Variants in HYAL4 observed in about 807,000 individuals in gnomAD.
The protein encoded by HYAL4 is hyaluronidase 4, also known as hyaluronidase-4.
HYAL4 carries 37 observed loss-of-function variants against 35.2 expected under a neutral mutation model. The ratio of observed to expected loss-of-function variants is 1.05; its 90% CI spans 0.81 to 1.38. The LOEUF (loss-of-function observed/expected upper bound fraction) is 1.38. HYAL4 is among the 40% of genes most tolerant of loss of function. The pLI, the probability that HYAL4 is intolerant of heterozygous loss-of-function variation, is 0.00. For synonymous variants in HYAL4, 198 were observed against 203.2 expected, an observed-to-expected ratio of 0.97 and a Z score of 0.22; for missense variants, 572 against 572.4, an observed-to-expected ratio of 1.00 and a Z score of 0.01.
chr7:123,826,781 C>T (rs750557990), upstream of HYAL4, among the ~76,000 whole-genome samples: 32 of 151,962 alleles, frequency 2.1e-4, no homozygotes, highest in African/African-American at 7.3e-5. Flanking sequence ...ATCATCCAGG[C>T]GAGAGCTAGT....
intron 2 of HYAL4, among the ~76,000 whole-genome samples, chr7:123,866,381 A>G (rs905004853): frequency 6.6e-6 from 1 of 152,176 alleles, no homozygotes; most frequent in African/African-American, 2.4e-5. Flanking sequence ...CTAGATTAGG[A>G]TGCATCTAAT....
intron 2 of HYAL4, among the ~76,000 whole-genome samples, chr7:123,854,213 T>A (rs1434095909): frequency 6.6e-6 from 1 of 152,194 alleles, no homozygotes; most frequent in Non-Finnish European, 1.5e-5. Context: ...TTTTCATGTC[T>A]CTATTTCCTT....
In HYAL4 at chr7:123,869,139, C is replaced by T. The variant is rs1366033268; in HGVS notation, c.866C>T (p.Ser289Phe). ...KFRVHESMRI[S>F]TMTSHDYALP... The stretch of plus-strand genomic sequence containing the variant: ...CGGGTGCATGAATCCATGAGGATCT[C>T]CACCATGACATCTCATGATTATGCT... The change falls in exon 3 of 5, where the codon TCC (serine) becomes TTC (phenylalanine). Residue 289 changes from serine (S) to phenylalanine (F), a missense_variant. Ser to Phe is a radical substitution (Grantham distance 155). Coordinates refer to ENST00000223026, the MANE Select transcript of HYAL4 (RefSeq NM_012269.3). The T allele has an allele frequency of 6.2e-7, 1 of 1,613,904 alleles. No homozygotes were observed. Among genetic ancestry groups the T allele is most frequent in the African/African-American group, 1.3e-5 (1 of 74,882 alleles).
the HYAL4 span, among the ~76,000 whole-genome samples, chr7:123,819,768 A>G: frequency 6.6e-6 from 1 of 152,198 alleles, no homozygotes; most frequent in Non-Finnish European, 1.5e-5. Context: ...CCTCTGCAGG[A>G]TTTTGGTAGA....
chr7:123,801,686 A>G, the HYAL4 span, among the ~76,000 whole-genome samples: 1 of 152,300 alleles, frequency 6.6e-6, no homozygotes, highest in Non-Finnish European at 1.5e-5. Context: ...TCAGTGTCCT[A>G]GTCCTCAATT....
At chr7:123,785,143 C>T in the HYAL4 span, among the ~76,000 whole-genome samples, 1 of 152,202 alleles carries the variant, frequency 6.6e-6, no homozygotes, top group Non-Finnish European at 1.5e-5. This position sits in a 1 kb window ranked among gnomAD's most constrained non-coding sequence, Gnocchi z 4.5. Flanking sequence ...CGGTTCACTG[C>T]AGCCTCCACT....
the HYAL4 span, among the ~76,000 whole-genome samples, chr7:123,782,054 C>T: frequency 1.4e-5 from 2 of 145,128 alleles, no homozygotes; most frequent in East Asian, 2.0e-4. Context: ...ACTATAGGCA[C>T]GCCATCACCA....
chr7:123,845,839 G>A (rs751964066), intron 1 of HYAL4, among the ~76,000 whole-genome samples, 154 bp downstream of exon 1: 7 of 152,200 alleles, frequency 4.6e-5, no homozygotes, highest in African/African-American at 1.4e-4. Context: ...GACCCACGGG[G>A]TGTTCTCTTG....
At chr7:123,801,363 A>G in the HYAL4 span, among the ~76,000 whole-genome samples, 2 of 152,164 alleles carry the variant, frequency 1.3e-5, no homozygotes, top group Admixed American at 6.5e-5. Flanking sequence ...AGGAATACTG[A>G]TCTGTTTTCC....
chr7:123,857,673 C>CTTTCTTTCTTTGTTTG (rs1277980640), intron 2 of HYAL4, among the ~76,000 whole-genome samples: 3 of 60,896 alleles, frequency 4.9e-5, no homozygotes, highest in Non-Finnish European at 7.0e-5. Flanking sequence ...TTGTTTGTTT[C>CTTTCTTTCTTTGTTTG]TTTCTTTCTT....
the HYAL4 span, among the ~76,000 whole-genome samples, chr7:123,802,996 C>G: frequency 1.3e-5 from 2 of 152,310 alleles, no homozygotes; most frequent in Middle Eastern, 3.4e-3. Flanking sequence ...TGGTGTCATT[C>G]TGTTCCCTTA....
At chr7:123,817,668 G>A in the HYAL4 span, among the ~76,000 whole-genome samples, 2 of 151,088 alleles carry the variant, frequency 1.3e-5, no homozygotes, top group African/African-American at 4.9e-5. Context: ...GTGCCACCAC[G>A]CCGGCTAATT....
chr7:123,828,347 A>G (rs1478377530), upstream of HYAL4, among the ~76,000 whole-genome samples: 1 of 152,052 alleles, frequency 6.6e-6, no homozygotes, highest in Non-Finnish European at 1.5e-5. Context: ...TTCAAAAAGC[A>G]AATTGCAGAA....
At chr7:123,768,552 A>G in the HYAL4 span, among the ~76,000 whole-genome samples, 1 of 152,140 alleles carries the variant, frequency 6.6e-6, no homozygotes, top group African/African-American at 2.4e-5. Context: ...CATCTGATAG[A>G]CTTGTATAAG....
intron 1 of HYAL4, 134 bp downstream of exon 1, chr7:123,845,819 C>T (rs1413137489): frequency 3.3e-5 from 5 of 152,226 alleles, no homozygotes; most frequent in Non-Finnish European, 7.3e-5. Flanking sequence ...GGCTGCTATT[C>T]AGATTTTTTG....
At chr7:123,786,200 A>T in the HYAL4 span, among the ~76,000 whole-genome samples, 2 of 152,234 alleles carry the variant, frequency 1.3e-5, no homozygotes, top group African/African-American at 4.8e-5. Flanking sequence ...GCAGAAGTCA[A>T]TCAGTAAAAA....
chr7:123,813,528 A>G, the HYAL4 span, among the ~76,000 whole-genome samples: 2 of 152,338 alleles, frequency 1.3e-5, no homozygotes, highest in African/African-American at 4.8e-5. Flanking sequence ...AAAATCCATA[A>G]TCAACACAGG....
chr7:123,770,440 TAAAA>T, the HYAL4 span, among the ~76,000 whole-genome samples: 1 of 118,498 alleles, frequency 8.4e-6, no homozygotes, highest in African/African-American at 3.1e-5. Flanking sequence ...AGACTCCATC[TAAAA>T]AAAAAAAAAA....
At chr7:123,776,602 G>A in the HYAL4 span, among the ~76,000 whole-genome samples, 14 of 152,200 alleles carry the variant, frequency 9.2e-5, no homozygotes, top group African/African-American at 3.1e-4. Flanking sequence ...ATATTTTGTA[G>A]AGATGTTGTT....
Sources: allele counts gnomAD v4.1 joint callset (sites outside exome capture counted in the v4.1 genomes callset), GRCh38; gene constraint gnomAD v4.1.1; non-coding constraint Gnocchi (gnomAD v3.1); transcripts MANE v1.5; gene names NCBI Gene and HGNC (gene_info 2026-07-23, HGNC 2026-07-21).